Variants in CADPS observed in about 807,000 individuals in gnomAD.
CADPS encodes the protein calcium-dependent secretion activator 1.
In CADPS, 57 loss-of-function variants were observed where a neutral mutation model predicts 167.3. The ratio of observed to expected loss-of-function variants is 0.34; its 90% CI spans 0.28 to 0.42. CADPS has a LOEUF of 0.42. Ranked by LOEUF, CADPS falls within the 20% of genes least tolerant of loss-of-function variation. The pLI is 1.00. For synonymous variants in CADPS, 676 were observed against 635.3 expected, an observed-to-expected ratio of 1.06 and a Z score of -0.96; for missense variants, 1,414 against 1,738.1, an observed-to-expected ratio of 0.81 and a Z score of 3.32.
chr3:62,612,109 T>C (rs1457236293), intron 6 of CADPS, among the ~76,000 whole-genome samples: 1 of 152,240 alleles, frequency 6.6e-6, no homozygotes, highest in Admixed American at 6.5e-5. Flanking sequence ...AGAGTTACAA[T>C]GTCAGAATGA....
intron 1 of CADPS, among the ~76,000 whole-genome samples, chr3:62,766,229 A>G (rs2086824169): frequency 6.6e-6 from 1 of 152,186 alleles, no homozygotes; most frequent in African/African-American, 2.4e-5. Context: ...CTTAAAATTC[A>G]TTGCCTCCTA....
chr3:62,863,980 A>G (rs994014343), intron 1 of CADPS, among the ~76,000 whole-genome samples: 2 of 152,224 alleles, frequency 1.3e-5, no homozygotes, highest in African/African-American at 4.8e-5. Flanking sequence ...TGCTCCTCCA[A>G]GTGTGCTCTG....
In CADPS at chr3:62,831,786, C is replaced by T. The variant is rs117389982; in HGVS notation, c.441+42803G>A. On this transcript the variant is annotated intron_variant, in intron 1 of 29. Transcript: ENST00000383710. ...AGTAAATTCAGCAAAACTTGCACAG[C>T]TGATCTGAATTGACCACTTACACAG... is the stretch of plus-strand genomic sequence containing the variant. Among the ~76,000 whole-genome samples the T allele has an allele frequency of 2.5e-3, 386 of 152,278 alleles. 2 individuals carry two copies. In the East Asian group the frequency reaches 0.039, roughly 15 times the overall value.
chr3:62,807,327 T>C (rs1576671967), intron 1 of CADPS, among the ~76,000 whole-genome samples: 1 of 101,846 alleles, frequency 9.8e-6, no homozygotes, highest in Non-Finnish European at 2.5e-5. Context: ...ACTGGCGTGA[T>C]CTCAGCTCAC....
Position 62,518,158 on chromosome 3 carries a change from G to A in CADPS, c.2384C>T (p.Thr795Ile), listed in dbSNP as rs764651868. 5.6e-6 allele frequency: 9 copies of A among 1,609,942 alleles called. No homozygotes were observed. The highest frequency in any genetic ancestry group is 1.3e-5 in the African/African-American group (1 of 74,808). Residue 795 changes from threonine (T) to isoleucine (I), a missense_variant, in exon 14 of 30, where the codon ACA becomes ATA. Thr to Ile is a moderately conservative substitution (Grantham distance 89, BLOSUM62 -1). Transcript: ENST00000383710. ...RLRVLLENQITHFRYCFPFGR... is the reference protein window; with the variant it reads ...RLRVLLENQIIHFRYCFPFGR... ...AGCCCCAGATCCTTACCTAAAATGT[G>A]TAATCTGATTTTCTAGCAGAACTCG...
At chr3:62,718,505 G>A (rs1506746) in intron 3 of CADPS, among the ~76,000 whole-genome samples, 95,125 of 152,046 alleles carry the variant, frequency 0.63, 30,327 homozygotes, top group East Asian at 0.75. Flanking sequence ...CTTGTCTTCT[G>A]TAGCATAGCC....
intron 14 of CADPS, 49 bp downstream of exon 14, chr3:62,518,100 C>G (rs373751272): frequency 1.2e-4 from 148 of 1,223,348 alleles, no homozygotes; most frequent in South Asian, 1.1e-3. Context: ...TTAGTTTTCC[C>G]TTCCCACTCT....
chr3:62,643,447 A>G (rs1563253236), intron 6 of CADPS, among the ~76,000 whole-genome samples: 1 of 152,190 alleles, frequency 6.6e-6, no homozygotes, highest in Non-Finnish European at 1.5e-5. Flanking sequence ...GAAAAGCAAA[A>G]TGTTTCAATG....
In CADPS at chr3:62,412,290, T is replaced by A. The variant is rs1231791217; in HGVS notation, c.3778-9105A>T. ...GGACGGCAGCTCCCTGAGGACTCAC[T>A]GACGGAGGAGTCTGAGACAACGTGC... On this transcript the variant is annotated intron_variant, in intron 28 of 29. Coordinates refer to ENST00000383710, the MANE Select transcript of CADPS (RefSeq NM_003716.4). This position sits in a 1 kb window ranked among gnomAD's most constrained non-coding sequence, Gnocchi z 4.1. Among the ~76,000 whole-genome samples, 7 of 146,974 alleles carry A rather than the reference T, an allele frequency of 4.8e-5. No individual in the cohort carries two copies. The highest frequency in any genetic ancestry group is 1.5e-4 in the African/African-American group (6 of 39,950).
Position 62,601,619 on chromosome 3 carries a change from G to C in CADPS, c.1326-8871C>G, listed in dbSNP as rs2059986600. Among the ~76,000 whole-genome samples the C allele has an allele frequency of 6.6e-6, 1 of 152,132 alleles. No homozygotes were observed. The highest frequency in any genetic ancestry group is 2.4e-5 in the African/African-American group (1 of 41,412). The stretch of plus-strand genomic sequence containing the variant: ...AGCACTCTTAGTTTATTAGAAAATT[G>C]GGGCTTGTGTATCATAGCATTTCAG... On this transcript the variant is annotated intron_variant, in intron 6 of 29. Transcript: ENST00000383710. This position sits in a 1 kb window ranked among gnomAD's most constrained non-coding sequence, Gnocchi z 4.3.
At chr3:62,485,218 T>C (rs1211425178) in intron 21 of CADPS, among the ~76,000 whole-genome samples, 1 of 152,010 alleles carries the variant, frequency 6.6e-6, no homozygotes, top group Non-Finnish European at 1.5e-5. Context: ...CCATTGAGAA[T>C]GTATCATCTA....
chr3:62,477,163 G>C (rs2061426104), intron 23 of CADPS, among the ~76,000 whole-genome samples: 2 of 152,066 alleles, frequency 1.3e-5, no homozygotes, highest in Non-Finnish European at 2.9e-5. Context: ...CAGTTCTGAT[G>C]ATATTACTTC....
chr3:62,551,760 C>A (rs1383986435), intron 10 of CADPS, among the ~76,000 whole-genome samples: 2 of 152,156 alleles, frequency 1.3e-5, no homozygotes, highest in African/African-American at 4.8e-5. Context: ...CATGTGCTCA[C>A]CTCAGTACCT....
chr3:62,784,030 G>T (rs1270025162), intron 1 of CADPS, among the ~76,000 whole-genome samples: 2 of 152,142 alleles, frequency 1.3e-5, no homozygotes, highest in African/African-American at 4.8e-5. Context: ...AGGGTTCCTT[G>T]GAGCAATGGC....
chr3:62,764,842 CA>C (rs1347546217), intron 2 of CADPS, among the ~76,000 whole-genome samples: 1 of 152,168 alleles, frequency 6.6e-6, no homozygotes, highest in Non-Finnish European at 1.5e-5. Context: ...GGAAGGAAAT[CA>C]ATGAAACAAT....
At chr3:62,867,635 T>A (rs1276076554) in intron 1 of CADPS, among the ~76,000 whole-genome samples, 1 of 152,078 alleles carries the variant, frequency 6.6e-6, no homozygotes, top group Admixed American at 6.6e-5. Flanking sequence ...AACTCCTCCA[T>A]ACTGTTTCAT....
At chr3:62,833,134 T>G (rs915150341) in intron 1 of CADPS, among the ~76,000 whole-genome samples, 4 of 152,134 alleles carry the variant, frequency 2.6e-5, no homozygotes, top group African/African-American at 9.7e-5. Context: ...GGAGACTATA[T>G]GGCACATACT....
At chr3:62,542,549 G>C (rs1461034315) in intron 11 of CADPS, among the ~76,000 whole-genome samples, 1 of 152,054 alleles carries the variant, frequency 6.6e-6, no homozygotes, top group African/African-American at 2.4e-5. Context: ...TGCACAGCAA[G>C]CAAAAGACTG....
At chr3:62,430,523 C>A (rs371934930) in intron 28 of CADPS, among the ~76,000 whole-genome samples, 16 of 152,072 alleles carry the variant, frequency 1.1e-4, no homozygotes, top group African/African-American at 3.9e-4. Flanking sequence ...TGAAAACGAA[C>A]TTGGATTGTT....
Sources: allele counts gnomAD v4.1 joint callset (sites outside exome capture counted in the v4.1 genomes callset), GRCh38; gene constraint gnomAD v4.1.1; non-coding constraint Gnocchi (gnomAD v3.1); transcripts MANE v1.5; gene names NCBI Gene and HGNC (gene_info 2026-07-23, HGNC 2026-07-21).